Variants in NPAS3 observed in about 807,000 individuals in gnomAD.
NPAS3 encodes the protein neuronal PAS domain protein 3.
In NPAS3, 14 loss-of-function variants were observed where a neutral mutation model predicts 73.1. The ratio of observed to expected loss-of-function variants is 0.19; its 90% CI spans 0.13 to 0.30. NPAS3 has a LOEUF of 0.30. NPAS3 is among the 10% of genes least tolerant of loss of function. NPAS3 has a pLI of 1.00. For synonymous variants in NPAS3, 620 were observed against 541.5 expected, an observed-to-expected ratio of 1.14 and a Z score of -2.01; for missense variants, 1,096 against 1,250.0, an observed-to-expected ratio of 0.88 and a Z score of 1.86.
exon 6 of NPAS3, chr14:33,676,378 C>G (rs144972549): frequency 2.6e-6 from 4 of 1,563,856 alleles, no homozygotes; most frequent in Admixed American, 4.1e-5. Context: ...CGGAGACCCC[C>G]GAGCCAGGTG....
intron 4 of NPAS3, 61 bp from the exon 5 acceptor site, chr14:33,560,060 A>C (rs924989635): frequency 1.4e-6 from 1 of 713,142 alleles, no homozygotes; most frequent in Non-Finnish European, 2.4e-6. Context: ...TTGCCTTACT[A>C]ATTAAATCTG....
chr14:33,080,333 C>G (rs1455724721), intron 2 of NPAS3, among the ~76,000 whole-genome samples: 1 of 152,048 alleles, frequency 6.6e-6, no homozygotes, highest in Non-Finnish European at 1.5e-5. Flanking sequence ...GTCTCAATCT[C>G]CTGACCTCGT....
At chr14:33,388,153 G>A (rs1186437224) in intron 4 of NPAS3, among the ~76,000 whole-genome samples, 1 of 152,186 alleles carries the variant, frequency 6.6e-6, no homozygotes, top group African/African-American at 2.4e-5. Context: ...AAGGGTATAG[G>A]AAGTGGCCCT....
chr14:33,393,174 G>A (rs2047079528), intron 4 of NPAS3, among the ~76,000 whole-genome samples: 1 of 152,132 alleles, frequency 6.6e-6, no homozygotes, highest in Non-Finnish European at 1.5e-5. Flanking sequence ...TGGCTAATTA[G>A]CAGGATAATA....
In NPAS3 at chr14:33,147,754, T is replaced by TATATATATATATATAC. The variant is rs368950295; in HGVS notation, c.141-67427_141-67426insTATATATATATATACA. Among the ~76,000 whole-genome samples the TATATATATATATATAC allele has an allele frequency of 1.4e-3, 202 of 142,278 alleles. 2 individuals carry two copies. The highest frequency in any genetic ancestry group is 5.3e-3 in the African/African-American group (196 of 36,986). The allele number at this position is 142,278 out of a possible 152,430, so 93.3% of individuals were successfully genotyped here. On this transcript the variant is annotated intron_variant, in intron 2 of 11. Transcript: ENST00000356141. ...AAATATATATATATATATATATATA[T>TATATATATATATATAC]ACACACAAAAAAGTTTGGATTAAAA...
chr14:33,034,094 T>A (rs1244024201), intron 1 of NPAS3, among the ~76,000 whole-genome samples: 2 of 152,170 alleles, frequency 1.3e-5, no homozygotes, highest in East Asian at 3.8e-4. Flanking sequence ...AGATTTTTCT[T>A]CTAATTTGAA....
chr14:33,387,008 A>G (rs1480699172), intron 4 of NPAS3, among the ~76,000 whole-genome samples: 1 of 152,070 alleles, frequency 6.6e-6, no homozygotes, highest in African/African-American at 2.4e-5. Flanking sequence ...AGGAAGTCAG[A>G]GTTGATTTAG....
At chr14:32,998,873 G>C (rs918697754) in intron 1 of NPAS3, among the ~76,000 whole-genome samples, 1 of 152,008 alleles carries the variant, frequency 6.6e-6, no homozygotes, top group African/African-American at 2.4e-5. Context: ...ATTCTTTCTT[G>C]GCCTCCTCCC....
intron 4 of NPAS3, among the ~76,000 whole-genome samples, chr14:33,429,526 C>T (rs1455850991): frequency 6.6e-6 from 1 of 152,154 alleles, no homozygotes; most frequent in Non-Finnish European, 1.5e-5. Context: ...TTGATTAAAA[C>T]AGAGCACAGC....
chr14:33,268,836 T>A (rs373871379), intron 3 of NPAS3, among the ~76,000 whole-genome samples: 2 of 152,214 alleles, frequency 1.3e-5, no homozygotes, highest in African/African-American at 4.8e-5. Context: ...ATTGTAATAT[T>A]TTCTCTGTGC....
chr14:33,479,533 TTC>T (rs751980964), intron 4 of NPAS3, among the ~76,000 whole-genome samples: 60 of 152,180 alleles, frequency 3.9e-4, no homozygotes, highest in Admixed American at 8.5e-4. Context: ...CCAAAGGAAT[TTC>T]TGTTTGTGTG....
chr14:33,765,999 T>C (rs1368150936), intron 7 of NPAS3, among the ~76,000 whole-genome samples: 1 of 152,220 alleles, frequency 6.6e-6, no homozygotes, highest in African/African-American at 2.4e-5. Context: ...AGAGGTTTTT[T>C]GTTTAAAAGA....
chr14:33,331,399 T>C (rs2140277408), intron 3 of NPAS3, among the ~76,000 whole-genome samples: 1 of 152,340 alleles, frequency 6.6e-6, no homozygotes, highest in African/African-American at 2.4e-5. Flanking sequence ...GCAGCATCAT[T>C]ATGTATGCGT....
intron 6 of NPAS3, among the ~76,000 whole-genome samples, chr14:33,706,667 T>C (rs1452325145): frequency 6.6e-6 from 1 of 152,198 alleles, no homozygotes; most frequent in Non-Finnish European, 1.5e-5. Context: ...ACTTTGAAAC[T>C]ATGTGTGCCA....
At chr14:33,015,594 T>C (rs2039362418) in intron 1 of NPAS3, among the ~76,000 whole-genome samples, 1 of 152,144 alleles carries the variant, frequency 6.6e-6, no homozygotes, top group Non-Finnish European at 1.5e-5. Context: ...ACCTTTCTCT[T>C]TGCAAGAAGC....
intron 7 of NPAS3, among the ~76,000 whole-genome samples, chr14:33,754,086 T>C (rs2062042272): frequency 6.6e-6 from 1 of 152,120 alleles, no homozygotes. Flanking sequence ...AAACATCCTC[T>C]TGGAGGTGCC....
At chr14:33,369,404 C>CTAAAAAAAAAAAA (rs2045981100) in intron 4 of NPAS3, among the ~76,000 whole-genome samples, 1 of 90,890 alleles carries the variant, frequency 1.1e-5, no homozygotes, top group Non-Finnish European at 2.2e-5. Context: ...GCCTCATTTC[C>CTAAAAAAAAAAAA]AAAAAAAAAA....
chr14:33,595,144 A>G (rs1470174088), intron 5 of NPAS3, among the ~76,000 whole-genome samples: 1 of 152,238 alleles, frequency 6.6e-6, no homozygotes, highest in African/African-American at 2.4e-5. Flanking sequence ...TGACAGTGTC[A>G]GAGCTTAGAA....
intron 7 of NPAS3, among the ~76,000 whole-genome samples, chr14:33,774,062 A>T (rs2062736069): frequency 1.3e-5 from 2 of 152,138 alleles, no homozygotes; most frequent in African/African-American, 4.8e-5. Context: ...TTATTTGGTT[A>T]TGAGTTTTCC....
Sources: allele counts gnomAD v4.1 joint callset (sites outside exome capture counted in the v4.1 genomes callset), GRCh38; gene constraint gnomAD v4.1.1; transcripts MANE v1.5; gene names NCBI Gene and HGNC (gene_info 2026-07-23, HGNC 2026-07-21).